Variants in QSER1 observed in about 807,000 individuals in gnomAD.
QSER1 encodes the protein glutamine and serine rich 1, also known as glutamine and serine-rich protein 1.
QSER1 carries 49 observed loss-of-function variants against 158.5 expected under a neutral mutation model. The ratio of observed to expected loss-of-function variants is 0.31; its 90% CI spans 0.25 to 0.39. The LOEUF is 0.39. Among genes scored for constraint, QSER1 ranks in the 10% least tolerant of loss-of-function variants. QSER1 has a pLI of 1.00. For missense variants in QSER1, 1,754 were observed against 2,010.3 expected, an observed-to-expected ratio of 0.87 and a Z score of 2.44; for synonymous variants, 650 against 715.5, an observed-to-expected ratio of 0.91 and a Z score of 1.46.
At chr11:32,918,431 G>A (rs1401359288) in intron 1 of QSER1, among the ~76,000 whole-genome samples, 1 of 151,762 alleles carries the variant, frequency 6.6e-6, no homozygotes, top group African/African-American at 2.4e-5. Context: ...GGGAAATCTT[G>A]AGAGGTGAAA....
At chr11:32,963,196 C>A (rs1200124367) in intron 8 of QSER1, among the ~76,000 whole-genome samples, 1 of 152,176 alleles carries the variant, frequency 6.6e-6, no homozygotes, top group Non-Finnish European at 1.5e-5. Flanking sequence ...CACTCTGTCA[C>A]CCAGGCTGGA....
chr11:32,936,592 T>C (rs1437439051), intron 4 of QSER1, among the ~76,000 whole-genome samples: 1 of 152,204 alleles, frequency 6.6e-6, no homozygotes, highest in Non-Finnish European at 1.5e-5. Context: ...AGCAATGTTG[T>C]GAGATACACA....
intron 10 of QSER1, among the ~76,000 whole-genome samples, chr11:32,970,621 T>A (rs1206121484): frequency 6.6e-6 from 1 of 152,278 alleles, no homozygotes; most frequent in East Asian, 1.9e-4. Context: ...GTCAGGCTGG[T>A]CTCGAACTCC....
Position 32,933,810 on chromosome 11 carries a change from A to T in QSER1, c.2552A>T (p.Asn851Ile). 6.2e-7 allele frequency: 1 copy of T among 1,613,894 alleles called. No homozygotes were observed. Residue 851 changes from asparagine to isoleucine, a missense_variant, in exon 4 of 13, where the codon AAT (asparagine) becomes ATT (isoleucine). This residue lies in a region of QSER1 where 1,707 missense variants were observed against 1,919.6 expected (regional missense o/e 0.89). Coordinates refer to ENST00000650167, the MANE Select transcript of QSER1 (RefSeq NM_001076786.3). ...LGHGHQASLP[N>I]TQVLLDSACD... Reference sequence around the variant, plus strand: ...CATGGCCATCAGGCATCTCTTCCTAATACACAGGTCCTTTTAGATTCTGCC... The same window carrying T: ...CATGGCCATCAGGCATCTCTTCCTATTACACAGGTCCTTTTAGATTCTGCC...
intron 4 of QSER1, 104 bp downstream of exon 4, chr11:32,935,539 T>C: frequency 2.4e-6 from 2 of 844,634 alleles, no homozygotes; most frequent in Non-Finnish European, 3.6e-6. Flanking sequence ...TGCAAGTACA[T>C]TTTCAGGACA....
intron 1 of QSER1, among the ~76,000 whole-genome samples, chr11:32,898,290 A>G (rs907214811): frequency 3.3e-5 from 5 of 152,160 alleles, no homozygotes; most frequent in African/African-American, 1.2e-4. Context: ...AGACCAGCCT[A>G]CGCAACGTGG....
Position 32,934,776 on chromosome 11 carries a change from C to T in QSER1, c.3518C>T (p.Ala1173Val). 1 of 1,614,008 alleles carries T rather than the reference C, an allele frequency of 6.2e-7. No individual in the cohort carries two copies. Among genetic ancestry groups the T allele is most frequent in the Non-Finnish European group, 8.5e-7 (1 of 1,179,992 alleles). The change falls in exon 4 of 13, where the codon GCA becomes GTA. Residue 1173 changes from alanine to valine, a missense_variant. Transcript: ENST00000650167. The stretch of plus-strand genomic sequence containing the variant: ...ATGAACCCAGCTAGGAGTGCACTTG[C>T]ACTGTTGGCCATGGCCCAATCTGGG... The part of the protein sequence containing the change: ...VSMNPARSAL[A>V]LLAMAQSGDA...
intron 1 of QSER1, among the ~76,000 whole-genome samples, chr11:32,902,821 C>T (rs1199251057): frequency 2.0e-5 from 3 of 152,166 alleles, no homozygotes; most frequent in Admixed American, 2.0e-4. Context: ...TTTAACTTCT[C>T]ATAATAATTC....
chr11:32,936,132 G>A (rs1429959229), intron 4 of QSER1, among the ~76,000 whole-genome samples: 1 of 152,036 alleles, frequency 6.6e-6, no homozygotes, highest in East Asian at 1.9e-4. Flanking sequence ...TTGGTGGGCT[G>A]CACCCATAAC....
rs764371304 is a variant in QSER1, at chr11:32,931,832, C to T, written c.574C>T (p.His192Tyr). Reference sequence around the variant, plus strand: ...TCCACCATCTCTCTCTGCTTATCAGCATCCCACCACCTTCAGCAATAGAAA... The same window carrying T: ...TCCACCATCTCTCTCTGCTTATCAGTATCCCACCACCTTCAGCAATAGAAA... ...TLPPSLSAYQ[H>Y]PTTFSNRNFA... Residue 192 changes from histidine (H) to tyrosine (Y), a missense_variant, in exon 4 of 13, where the codon CAT becomes TAT. Physicochemically the swap from His to Tyr is moderately conservative, Grantham distance 83 (BLOSUM62 2). Coordinates refer to ENST00000650167, the MANE Select transcript of QSER1 (RefSeq NM_001076786.3). The T allele has an allele frequency of 1.2e-6, 2 of 1,614,192 alleles. No homozygotes were observed. The highest frequency in any genetic ancestry group is 2.2e-5 in the South Asian group (2 of 91,080).
At chr11:32,975,643 A>T in intron 12 of QSER1, 1 of 1,215,148 alleles carries the variant, frequency 8.2e-7, no homozygotes, top group South Asian at 1.6e-5. Flanking sequence ...TTGTTCTCTC[A>T]CAGTGTATGA....
At position 32,934,196 on chromosome 11, in the gene QSER1, G is replaced by A. The variant is rs770196397; in HGVS notation, c.2938G>A (p.Val980Ile). ...LSDERNILSN[V>I]DDILAATAAA... ...TGATGAAAGAAATATTTTATCAAAT[G>A]TAGATGATATCTTAGCAGCTACAGC... The change falls in exon 4 of 13, where the codon GTA becomes ATA. Residue 980 changes from valine to isoleucine, a missense_variant. By Grantham distance (29) the Val-to-Ile change is conservative. Around this residue, in one of 2 missense-constraint regions of QSER1, gnomAD observed 1,707 missense variants for 1,919.6 expected, o/e 0.89. Transcript: ENST00000650167. The A allele has an allele frequency of 4.3e-6, 7 of 1,614,010 alleles. 1 individual carries two copies. In the South Asian group the frequency reaches 6.6e-5, roughly 15 times the overall value.
chr11:32,901,560 ATC>A (rs1851625412), intron 1 of QSER1, among the ~76,000 whole-genome samples: 1 of 152,202 alleles, frequency 6.6e-6, no homozygotes, highest in South Asian at 2.1e-4. Context: ...AGGAAATGGA[ATC>A]TGCTAGGCCA....
intron 1 of QSER1, among the ~76,000 whole-genome samples, chr11:32,896,273 T>C (rs1220365863): frequency 6.6e-6 from 1 of 152,240 alleles, no homozygotes; most frequent in Admixed American, 6.5e-5. Context: ...TTTATGGTGA[T>C]AATCGATGTG....
intron 4 of QSER1, among the ~76,000 whole-genome samples, chr11:32,938,696 C>A (rs1327262062): frequency 6.6e-6 from 1 of 152,028 alleles, no homozygotes; most frequent in Non-Finnish European, 1.5e-5. Context: ...TGTTTTTTGA[C>A]TTTAAATTAT....
At chr11:32,906,138 T>C (rs1455398254) in intron 1 of QSER1, among the ~76,000 whole-genome samples, 1 of 151,248 alleles carries the variant, frequency 6.6e-6, no homozygotes, top group Non-Finnish European at 1.5e-5. Flanking sequence ...TTAAAAAAAT[T>C]TGGGCTGGGC....
chr11:32,970,641 G>T (rs1852835079), intron 10 of QSER1, among the ~76,000 whole-genome samples: 1 of 152,134 alleles, frequency 6.6e-6, no homozygotes, highest in Non-Finnish European at 1.5e-5. Context: ...CTGACTTCAA[G>T]TGATCCGCCT....
intron 3 of QSER1, among the ~76,000 whole-genome samples, chr11:32,928,556 T>G (rs2133539356): frequency 6.6e-6 from 1 of 152,320 alleles, no homozygotes; most frequent in African/African-American, 2.4e-5. Context: ...ATAAGAGACA[T>G]TACAAGTTGA....
chr11:32,975,193 G>A (rs1852950961), intron 11 of QSER1, 55 bp from the exon 12 acceptor site: 1 of 1,278,060 alleles, frequency 7.8e-7, no homozygotes, highest in Non-Finnish European at 1.1e-6. Context: ...TCCTCAAAGT[G>A]TTCTTAGCTC....
Sources: gnomAD v4.1 joint callset for allele counts (sites outside exome capture counted in the v4.1 genomes callset) on GRCh38, gnomAD v4.1.1 for gene constraint, gnomAD v4.1.1 regional missense constraint, MANE v1.5 for transcripts, NCBI Gene and HGNC (gene_info 2026-07-23, HGNC 2026-07-21) for gene names.